Variants in GABRA4 observed in about 807,000 individuals in gnomAD.
The protein encoded by GABRA4 is gamma-aminobutyric acid receptor subunit alpha-4.
GABRA4 carries 12 observed loss-of-function variants against 49.7 expected under a neutral mutation model. The ratio of observed to expected loss-of-function variants is 0.24; its 90% CI spans 0.15 to 0.39. GABRA4 has a LOEUF of 0.39. GABRA4 is among the 10% of genes least tolerant of loss of function. GABRA4 has a pLI of 1.00. For missense variants in GABRA4, 506 were observed against 686.0 expected, an observed-to-expected ratio of 0.74 and a Z score of 2.93; for synonymous variants, 288 against 240.2, an observed-to-expected ratio of 1.20 and a Z score of -1.84.
intron 8 of GABRA4, among the ~76,000 whole-genome samples, chr4:46,943,962 C>A (rs1721899329): frequency 6.6e-6 from 1 of 151,800 alleles, no homozygotes; most frequent in African/African-American, 2.4e-5. Context: ...ATGGTGGATA[C>A]CAGTGGTGGT....
intron 8 of GABRA4, among the ~76,000 whole-genome samples, chr4:46,958,986 T>C (rs149974470): frequency 6.2e-4 from 94 of 152,114 alleles, no homozygotes; most frequent in Middle Eastern, 3.4e-3. Context: ...TTGGAACACA[T>C]ATTTGAATAA....
intron 7 of GABRA4, among the ~76,000 whole-genome samples, chr4:46,970,513 A>G (rs1454714532): frequency 6.6e-6 from 1 of 151,580 alleles, no homozygotes; most frequent in Non-Finnish European, 1.5e-5. Flanking sequence ...AGAATACTAT[A>G]CAGTATATAT....
chr4:46,987,870 A>G (rs1723596579), intron 2 of GABRA4, among the ~76,000 whole-genome samples: 5 of 152,098 alleles, frequency 3.3e-5, no homozygotes, highest in Admixed American at 2.6e-4. Context: ...CTCCATTTAG[A>G]AAACTCCAAT....
chr4:46,938,692 T>G (rs1269851975), intron 8 of GABRA4, among the ~76,000 whole-genome samples: 1 of 152,122 alleles, frequency 6.6e-6, no homozygotes, highest in Non-Finnish European at 1.5e-5. Flanking sequence ...GTAATAGATC[T>G]ATTTTTAGTG....
chr4:46,990,294 T>C (rs988803467), intron 2 of GABRA4, among the ~76,000 whole-genome samples: 1 of 152,210 alleles, frequency 6.6e-6, no homozygotes, highest in Admixed American at 6.5e-5. Flanking sequence ...TGACTAATAA[T>C]GTCCTTGAGA....
At chr4:46,970,185 G>A (rs1184186362) in intron 7 of GABRA4, among the ~76,000 whole-genome samples, 2 of 151,256 alleles carry the variant, frequency 1.3e-5, no homozygotes, top group South Asian at 4.2e-4. Context: ...TAGTTCCTTC[G>A]CACCAGCATC....
At chr4:46,982,660 G>A (rs527546227) in intron 2 of GABRA4, among the ~76,000 whole-genome samples, 1 of 152,116 alleles carries the variant, frequency 6.6e-6, no homozygotes, top group South Asian at 2.1e-4. Flanking sequence ...ATAGGTCGTG[G>A]TAAGAAGTTT....
At chr4:46,933,913 A>G (rs970286641) in intron 8 of GABRA4, among the ~76,000 whole-genome samples, 4 of 152,230 alleles carry the variant, frequency 2.6e-5, no homozygotes, top group Non-Finnish European at 5.9e-5. Flanking sequence ...AACATTACCA[A>G]CAAATTAAAG....
At chr4:46,989,353 G>T (rs1043538889) in intron 2 of GABRA4, among the ~76,000 whole-genome samples, 3 of 152,214 alleles carry the variant, frequency 2.0e-5, no homozygotes, top group Non-Finnish European at 4.4e-5. Flanking sequence ...CTTCACTTGT[G>T]TGCTATGTCT....
At chr4:46,937,660 A>G (rs1721647678) in intron 8 of GABRA4, among the ~76,000 whole-genome samples, 1 of 152,186 alleles carries the variant, frequency 6.6e-6, no homozygotes, top group Admixed American at 6.5e-5. Flanking sequence ...CTTGTGGTTG[A>G]TGAGAGAAAA....
intron 5 of GABRA4, 88 bp from the exon 6 acceptor site, chr4:46,974,463 G>T (rs1366087300): frequency 2.5e-6 from 3 of 1,208,848 alleles, no homozygotes; most frequent in African/African-American, 3.1e-5. Context: ...ACTTGTTCAA[G>T]AAAGATGGAA....
chr4:46,938,020 A>G (rs181131207), intron 8 of GABRA4, among the ~76,000 whole-genome samples: 5 of 152,270 alleles, frequency 3.3e-5, no homozygotes, highest in Admixed American at 3.3e-4. Context: ...TTAAATATTG[A>G]AAAATGTAAT....
chr4:46,949,790 C>G (rs186265756), intron 8 of GABRA4, among the ~76,000 whole-genome samples: 22 of 152,078 alleles, frequency 1.4e-4, no homozygotes, highest in African/African-American at 5.1e-4. Context: ...TCATAAGAAA[C>G]ACTGTGGGAA....
chr4:46,944,086 C>T (rs1056795543), intron 8 of GABRA4, among the ~76,000 whole-genome samples: 1 of 152,026 alleles, frequency 6.6e-6, no homozygotes, highest in Non-Finnish European at 1.5e-5. Flanking sequence ...GTTAATCATA[C>T]TGTATTGTAT....
In GABRA4 at chr4:46,928,754, T is replaced by C. The variant is rs1202407757; in HGVS notation, c.1136A>G (p.Asn379Ser). ...REKHPEAPLQNTNANLNMRKR... is the reference protein window; with the variant it reads ...REKHPEAPLQSTNANLNMRKR... Reference sequence around the variant, plus strand: ...TCTCATGTTCAAATTGGCATTTGTATTCTGAAAAGGTATATGAAAAAATAT... The same window carrying C: ...TCTCATGTTCAAATTGGCATTTGTACTCTGAAAAGGTATATGAAAAAATAT... The change falls in exon 9 of 9, where the codon AAT becomes AGT. Residue 379 changes from asparagine (N) to serine (S), a missense_variant and splice_region_variant. Coordinates refer to ENST00000264318, the MANE Select transcript of GABRA4 (RefSeq NM_000809.4). 1 of 1,601,374 alleles carries C rather than the reference T, an allele frequency of 6.2e-7. No homozygotes were observed. Among genetic ancestry groups the C allele is most frequent in the Middle Eastern group, 1.7e-4 (1 of 6,008 alleles).
rs528174215 is a variant in GABRA4 at position 46,940,192 on chromosome 4, C to T, written c.1135-11437G>A. Among the ~76,000 whole-genome samples, 22 of 152,084 alleles carry T rather than the reference C, an allele frequency of 1.4e-4. No individual in the cohort carries two copies. The East Asian group carries it at 4.3e-3, about 29-fold the overall frequency. On this transcript the variant is annotated intron_variant, in intron 8 of 8. Coordinates refer to ENST00000264318, the MANE Select transcript of GABRA4 (RefSeq NM_000809.4). ...TCCCTATCTTTCTTCCACAAACTAT[C>T]CCTGAAATTTGGATATAGCACTTTA...
chr4:46,964,795 C>A (rs1722694718), intron 8 of GABRA4, among the ~76,000 whole-genome samples, 175 bp downstream of exon 8: 1 of 151,776 alleles, frequency 6.6e-6, no homozygotes, highest in Non-Finnish European at 1.5e-5. Context: ...AATTTTTAAG[C>A]TGTTAATCAC....
intron 8 of GABRA4, 73 bp downstream of exon 8, chr4:46,964,897 G>A (rs1560475074): frequency 6.8e-7 from 1 of 1,461,828 alleles, no homozygotes; most frequent in Non-Finnish European, 9.2e-7. Context: ...TAAGTTCTCA[G>A]TTTGTTTCCC....
At chr4:46,968,958 T>C (rs1722859094) in intron 7 of GABRA4, among the ~76,000 whole-genome samples, 1 of 151,690 alleles carries the variant, frequency 6.6e-6, no homozygotes, top group South Asian at 2.1e-4. Flanking sequence ...GCCATACTAA[T>C]AAATAACACT....
Sources: allele counts gnomAD v4.1 joint callset (sites outside exome capture counted in the v4.1 genomes callset), GRCh38; gene constraint gnomAD v4.1.1; transcripts MANE v1.5; gene names NCBI Gene and HGNC (gene_info 2026-07-23, HGNC 2026-07-21).